Variants in UHRF2 observed in about 807,000 individuals in gnomAD.
UHRF2 encodes the protein E3 ubiquitin-protein ligase UHRF2.
Under a neutral mutation model 96.8 loss-of-function variants are expected in UHRF2, and 23 were observed. The observed-to-expected ratio is 0.24, with a 90% CI of 0.17 to 0.34. The LOEUF (loss-of-function observed/expected upper bound fraction) is 0.34. Among genes scored for constraint, UHRF2 ranks in the 10% least tolerant of loss-of-function variants. The probability of loss-of-function intolerance (pLI) is 1.00; values close to 1 mark genes in which losing one functional copy is unlikely to be tolerated. For synonymous variants in UHRF2, 385 were observed against 332.6 expected (o/e 1.16, Z -1.72); for missense variants, 685 against 981.5 (o/e 0.70, Z 4.04).
chr9:6,422,641 GCT>G (rs1338930429), intron 2 of UHRF2: 1 of 646,390 alleles, frequency 1.5e-6, no homozygotes, highest in Non-Finnish European at 2.9e-6. Context: ...ACAGGGTCTG[GCT>G]CTGTCACCCA....
At chr9:6,414,571 A>G (rs1275089153) in intron 1 of UHRF2, among the ~76,000 whole-genome samples, 2 of 151,912 alleles carry the variant, frequency 1.3e-5, no homozygotes, top group Admixed American at 6.6e-5. Flanking sequence ...GACCCATCGT[A>G]TTTTTCTTTG....
chr9:6,433,745 A>G (rs1464684125), intron 2 of UHRF2, among the ~76,000 whole-genome samples, 169 bp from the exon 3 acceptor site: 1 of 152,270 alleles, frequency 6.6e-6, no homozygotes, highest in Non-Finnish European at 1.5e-5. Flanking sequence ...GATTTAAGAT[A>G]GCACAAATCA....
At chr9:6,462,449 T>A (rs1157160797) in intron 4 of UHRF2, among the ~76,000 whole-genome samples, 1 of 152,212 alleles carries the variant, frequency 6.6e-6, no homozygotes, top group Non-Finnish European at 1.5e-5. Context: ...AGTCACAGAC[T>A]TCTAAACAAC....
chr9:6,487,263 C>G (rs1014765816), intron 9 of UHRF2, among the ~76,000 whole-genome samples: 2 of 142,668 alleles, frequency 1.4e-5, no homozygotes, highest in African/African-American at 5.4e-5. Context: ...GATCTCAGCT[C>G]CCTGCAACCT....
intron 3 of UHRF2, among the ~76,000 whole-genome samples, chr9:6,446,919 T>C (rs145329042): frequency 0.12 from 18,708 of 151,816 alleles, 1,358 homozygotes; most frequent in East Asian, 0.27. Flanking sequence ...GACAGAGTCT[T>C]GCTCTGTCAC....
At chr9:6,495,528 T>C (rs1824916015) in intron 10 of UHRF2, 1 of 152,250 alleles carries the variant, frequency 6.6e-6, no homozygotes, top group Admixed American at 6.5e-5. Flanking sequence ...TTTGCTTCTT[T>C]GCTAAGAGGT....
At chr9:6,480,010 CT>C (rs1823830013) in intron 6 of UHRF2, among the ~76,000 whole-genome samples, 1 of 152,098 alleles carries the variant, frequency 6.6e-6, no homozygotes. Flanking sequence ...CCTCTGATGT[CT>C]TCCTATTTCA....
chr9:6,480,830 C>T (rs1340164385), intron 6 of UHRF2, among the ~76,000 whole-genome samples: 1 of 152,168 alleles, frequency 6.6e-6, no homozygotes, highest in Admixed American at 6.5e-5. Flanking sequence ...AAATTTTTCT[C>T]TCCTATAGTG....
chr9:6,505,824 A>G (rs1220778505), intron 15 of UHRF2, among the ~76,000 whole-genome samples: 3 of 152,162 alleles, frequency 2.0e-5, no homozygotes, highest in Admixed American at 6.5e-5. Context: ...TACATAAATA[A>G]TTTACCTGAA....
intron 3 of UHRF2, chr9:6,449,557 T>A (rs1821726785): frequency 1.3e-5 from 2 of 152,218 alleles, no homozygotes; most frequent in South Asian, 4.1e-4. Context: ...CTTTTTAGAG[T>A]TTGCAGAAAA....
intron 3 of UHRF2, among the ~76,000 whole-genome samples, chr9:6,439,707 C>T (rs1821050826): frequency 6.6e-6 from 1 of 152,136 alleles, no homozygotes; most frequent in South Asian, 2.1e-4. Context: ...TAAATTTAAA[C>T]TCTAGAGATT....
At chr9:6,430,583 C>T (rs750413798) in intron 2 of UHRF2, among the ~76,000 whole-genome samples, 14 of 152,008 alleles carry the variant, frequency 9.2e-5, no homozygotes, top group African/African-American at 3.4e-4. Context: ...CATGTAATCC[C>T]GAGTCCATGC....
intron 5 of UHRF2, among the ~76,000 whole-genome samples, chr9:6,476,974 G>C (rs1823611768): frequency 6.6e-6 from 1 of 152,124 alleles, no homozygotes; most frequent in Admixed American, 6.6e-5. Flanking sequence ...TATGCTGGCT[G>C]GGTGACAGCA....
chr9:6,501,047 C>T (rs1816265759), intron 14 of UHRF2, among the ~76,000 whole-genome samples: 1 of 152,186 alleles, frequency 6.6e-6, no homozygotes, highest in Non-Finnish European at 1.5e-5. Flanking sequence ...AGTTACCTAA[C>T]CGCATAAGTC....
intron 4 of UHRF2, among the ~76,000 whole-genome samples, chr9:6,472,390 A>G (rs1223061677): frequency 6.6e-6 from 1 of 152,240 alleles, no homozygotes; most frequent in Non-Finnish European, 1.5e-5. Context: ...TACAAGGAAA[A>G]CATTCCAGAA....
intron 9 of UHRF2, among the ~76,000 whole-genome samples, chr9:6,493,384 C>T (rs1463566246): frequency 1.3e-5 from 2 of 152,034 alleles, no homozygotes; most frequent in Admixed American, 6.6e-5. Context: ...AAATTTGAGG[C>T]AGCACACTTA....
At chr9:6,485,803 CAAAAAAAAA>C (rs57868028) in intron 8 of UHRF2, among the ~76,000 whole-genome samples, 4 of 59,190 alleles carry the variant, frequency 6.8e-5, no homozygotes, top group African/African-American at 1.5e-4. Context: ...TGTCTCTACC[CAAAAAAAAA>C]AAAAAAAAAA....
At chr9:6,422,486 G>T (rs946876849) in intron 2 of UHRF2, 1 of 418,786 alleles carries the variant, frequency 2.4e-6, no homozygotes, top group Middle Eastern at 3.3e-4. Context: ...AGCATATAAA[G>T]CTCTACAAAT....
At position 6,442,084 on chromosome 9, in the gene UHRF2, C is replaced by T. The variant is rs192028181; in HGVS notation, c.644+7911C>T. On this transcript the variant is annotated intron_variant, in intron 3 of 15. Coordinates refer to ENST00000276893, the MANE Select transcript of UHRF2 (RefSeq NM_152896.3). ...GGGTTCAACAATTCTCATGCCTTAG[C>T]CTGTCGAGTAGCTGAGATTACAGGT... 2.3e-3 allele frequency among the ~76,000 whole-genome samples: 346 copies of T among 152,218 alleles called. 3 individuals are homozygous for T. The highest frequency in any genetic ancestry group is 8.1e-3 in the South Asian group (39 of 4,828).
Sources: gnomAD v4.1 joint callset for allele counts (sites outside exome capture counted in the v4.1 genomes callset) on GRCh38, gnomAD v4.1.1 for gene constraint, MANE v1.5 for transcripts, NCBI Gene and HGNC (gene_info 2026-07-23, HGNC 2026-07-21) for gene names.